The following ZFP90 variants were observed in gnomAD, a reference collection of about 807,000 sequenced individuals.
ZFP90 encodes zinc finger protein 90 homolog.
ZFP90 carries 38 observed loss-of-function variants against 60.8 expected under a neutral mutation model. The ratio of observed to expected loss-of-function variants is 0.62; its 90% confidence interval spans 0.48 to 0.82. The LOEUF is 0.82. ZFP90 is among the 40% of genes least tolerant of loss of function. ZFP90 has a pLI of 0.00. For missense variants in ZFP90, 711 were observed against 759.1 expected, an observed-to-expected ratio of 0.94 and a Z score of 0.74; for synonymous variants, 287 against 264.8, an observed-to-expected ratio of 1.08 and a Z score of -0.82.
chr16:68,564,438 A>G lies in ZFP90; in HGVS notation c.1651A>G (p.Lys551Glu), dbSNP rs1267323424. The change falls in exon 5 of 5, where the codon AAA becomes GAA. Residue 551 changes from lysine (K) to glutamate (E), a missense_variant. This residue lies in a region of ZFP90 where 295 missense variants were observed against 274.0 expected (regional missense o/e 1.08). Coordinates refer to ENST00000563169, the MANE Select transcript of ZFP90 (RefSeq NM_001305203.2). ...TQHERTHTGE[K>E]PYECIDCGKA... ...ACATGAGAGAACCCACACTGGAGAG[A>G]AACCCTATGAATGTATTGACTGTGG... The G allele has an allele frequency of 6.2e-7, 1 of 1,614,088 alleles. No homozygotes were observed. The highest frequency in any genetic ancestry group is 1.1e-5 in the South Asian group (1 of 91,076).
chr16:68,563,716 A>G lies in ZFP90; in HGVS notation c.929A>G (p.Tyr310Cys). 11 of 1,614,046 alleles carry G rather than the reference A, an allele frequency of 6.8e-6. No homozygotes were observed. Among genetic ancestry groups the G allele is most frequent in the Non-Finnish European group, 9.3e-6 (11 of 1,179,962 alleles). The change falls in exon 5 of 5, where the codon TAT becomes TGT. Residue 310 changes from tyrosine to cysteine, a missense_variant. Coordinates refer to ENST00000563169, the MANE Select transcript of ZFP90 (RefSeq NM_001305203.2). The stretch of plus-strand genomic sequence containing the variant: ...AATGCTCATACCGGAGAGAAACCCT[A>G]TCAGTGTAGTCTCTGTGGGAAAGCC... ...HENAHTGEKP[Y>C]QCSLCGKAFQ...
In ZFP90 at chr16:68,563,260, A is replaced by G. The variant is rs957870653; in HGVS notation, c.473A>G (p.Asn158Ser). 1 of 1,613,850 alleles carries G rather than the reference A, an allele frequency of 6.2e-7. No homozygotes were observed. The highest frequency in any genetic ancestry group is 1.3e-5 in the African/African-American group (1 of 74,996). ...IITPQENFEQNKFGENSRLNT... is the reference protein window; with the variant it reads ...IITPQENFEQSKFGENSRLNT... ...ACACCACAAGAAAATTTTGAGCAAA[A>G]TAAATTTGGTGAAAATTCTAGATTG... Residue 158 changes from asparagine (N) to serine (S), a missense_variant, in exon 5 of 5, where the codon AAT becomes AGT. Physicochemically the swap from Asn to Ser is conservative, Grantham distance 46 (BLOSUM62 1). Transcript: ENST00000563169.
chr16:68,564,012 C>G lies in ZFP90; in HGVS notation c.1225C>G (p.Leu409Val). The change falls in exon 5 of 5, where the codon CTT becomes GTT. Residue 409 changes from leucine (L) to valine (V), a missense_variant. Physicochemically the swap from Leu to Val is conservative, Grantham distance 32. Coordinates refer to ENST00000563169, the MANE Select transcript of ZFP90 (RefSeq NM_001305203.2). ...CGRAFGQSPS[L>V]YKHMRIHKRG... ...GAGGGCTTTTGGTCAGAGCCCATCC[C>G]TTTATAAACATATGAGGATTCATAA... The G allele has an allele frequency of 1.2e-6, 2 of 1,613,972 alleles. No individual in the cohort carries two copies. Among genetic ancestry groups the G allele is most frequent in the Non-Finnish European group, 1.7e-6 (2 of 1,179,974 alleles).
At chr16:68,553,320 G>A (rs2091290456) in intron 2 of ZFP90, among the ~76,000 whole-genome samples, 1 of 152,220 alleles carries the variant, frequency 6.6e-6, no homozygotes, top group Non-Finnish European at 1.5e-5. Context: ...GCTGAAGCCA[G>A]TGAGTGGGGA....
At chr16:68,567,172 A>G, downstream of ZFP90, 1 of 985,520 alleles carries the variant, frequency 1.0e-6, no homozygotes, top group Non-Finnish European at 1.2e-6. Flanking sequence ...GAACTTGGCT[A>G]AGATTAAAGA....
intron 2 of ZFP90, among the ~76,000 whole-genome samples, chr16:68,543,297 C>T (rs918725553): frequency 6.6e-6 from 1 of 152,032 alleles, no homozygotes; most frequent in Admixed American, 6.6e-5. Flanking sequence ...TAAAAGATTG[C>T]CATGAATGAT....
Position 68,563,749 on chromosome 16 carries a change from G to T in ZFP90, c.962G>T (p.Arg321Leu). 6.2e-7 allele frequency: 1 copy of T among 1,609,868 alleles called. No individual in the cohort carries two copies. The highest frequency in any genetic ancestry group is 1.1e-5 in the South Asian group (1 of 90,816). ...AGTCTCTGTGGGAAAGCCTTCCAGC[G>T]CAGCTCCTCCCTTGTTCAACACCAG... The part of the protein sequence containing the change: ...QCSLCGKAFQ[R>L]SSSLVQHQRI... Residue 321 changes from arginine (R) to leucine (L), a missense_variant, in exon 5 of 5, where the codon CGC (arginine) becomes CTC (leucine). Arg to Leu is a moderately radical substitution (Grantham distance 102). Transcript: ENST00000563169.
intron 2 of ZFP90, among the ~76,000 whole-genome samples, chr16:68,554,505 G>A (rs1354664661): frequency 6.6e-6 from 1 of 152,098 alleles, no homozygotes; most frequent in Non-Finnish European, 1.5e-5. Flanking sequence ...AGTGCCCAGG[G>A]GAGAAAAAGG....
intron 2 of ZFP90, among the ~76,000 whole-genome samples, chr16:68,550,282 CAG>C (rs1474685334): frequency 1.3e-5 from 2 of 151,990 alleles, no homozygotes; most frequent in Non-Finnish European, 2.9e-5. Context: ...TTATTTGAAA[CAG>C]AGTCTCACTC....
chr16:68,563,911 T>G lies in ZFP90; in HGVS notation c.1124T>G (p.Phe375Cys). Reference protein sequence around the residue: ...PFQCKECGKAFSRCSSLVQHE... With the variant: ...PFQCKECGKACSRCSSLVQHE... ...CAGTGTAAGGAATGTGGGAAAGCCTTTAGTCGATGTTCTTCCCTTGTCCAA... is the reference window on the plus strand; with the variant it reads ...CAGTGTAAGGAATGTGGGAAAGCCTGTAGTCGATGTTCTTCCCTTGTCCAA... Residue 375 changes from phenylalanine to cysteine, a missense_variant, in exon 5 of 5, where the codon TTT becomes TGT. Transcript: ENST00000563169. 1 of 1,614,112 alleles carries G rather than the reference T, an allele frequency of 6.2e-7. No homozygotes were observed. The highest frequency in any genetic ancestry group is 1.3e-5 in the African/African-American group (1 of 75,024).
chr16:68,543,847 C>G (rs566662451), intron 2 of ZFP90, among the ~76,000 whole-genome samples: 5 of 146,158 alleles, frequency 3.4e-5, no homozygotes, highest in Admixed American at 2.1e-4. Context: ...GCGTGAGCCA[C>G]TGTGTCTGGC....
intron 4 of ZFP90, 33 bp from the exon 5 acceptor site, chr16:68,563,011 A>G: frequency 6.2e-7 from 1 of 1,612,676 alleles, no homozygotes; most frequent in Non-Finnish European, 8.5e-7. Context: ...ACAGGAAGGA[A>G]TAGGGGACTT....
downstream of ZFP90, among the ~76,000 whole-genome samples, chr16:68,569,613 CAGA>C (rs2091556628): frequency 6.6e-6 from 1 of 152,062 alleles, no homozygotes; most frequent in South Asian, 2.1e-4. Flanking sequence ...GAAAAGGAAT[CAGA>C]AGAGGCCAGG....
At chr16:68,554,798 TAAAAC>T (rs1005723468) in intron 2 of ZFP90, among the ~76,000 whole-genome samples, 1 of 151,834 alleles carries the variant, frequency 6.6e-6, no homozygotes, top group Non-Finnish European at 1.5e-5. Context: ...TTAAACAAAA[TAAAAC>T]AAAATAAACC....
At chr16:68,570,502 C>G (rs1403519241), downstream of ZFP90, among the ~76,000 whole-genome samples, 1 of 152,206 alleles carries the variant, frequency 6.6e-6, no homozygotes, top group African/African-American at 2.4e-5. Flanking sequence ...GCAGAAATCT[C>G]TGGAAAAGGG....
Position 68,566,117 on chromosome 16 carries a change from A to AGC in ZFP90, c.*1420_*1421dup. 1.1e-6 allele frequency: 1 copy of AGC among 907,136 alleles called. No homozygotes were observed. Among genetic ancestry groups the AGC allele is most frequent in the Non-Finnish European group, 1.3e-6 (1 of 795,636 alleles). The allele number at this position is 907,136 out of a possible 1,614,324, so 56.2% of individuals were successfully genotyped here. A position where few individuals can be genotyped will look rare whatever the true frequency, so the allele number is the denominator to read the frequency against. ...TACTGCATTCCAGCCTGAGCAACAG[A>AGC]GCAAGACACACACACATCAATTTAT... On this transcript the variant is annotated 3_prime_UTR_variant, in exon 5 of 5. Coordinates refer to ENST00000563169, the MANE Select transcript of ZFP90 (RefSeq NM_001305203.2).
chr16:68,576,072 A>C (rs2091593063), exon 3 of ZFP90: 2 of 333,324 alleles, frequency 6.0e-6, no homozygotes, highest in African/African-American at 2.1e-5. Flanking sequence ...TTCATTAACA[A>C]GAGTGATCTT....
chr16:68,539,848 C>T (rs1185962211), intron 2 of ZFP90, 23 bp downstream of exon 2: 4 of 1,604,394 alleles, frequency 2.5e-6, no homozygotes, highest in Non-Finnish European at 3.4e-6. Flanking sequence ...TTCCTAACCT[C>T]CTGGGCATCC....
chr16:68,552,294 G>A (rs942126596), intron 2 of ZFP90, among the ~76,000 whole-genome samples: 6 of 152,258 alleles, frequency 3.9e-5, no homozygotes, highest in Admixed American at 3.9e-4. Context: ...ACTGGTTCTC[G>A]CCTCTGGAAA....
Sources: allele counts gnomAD v4.1 joint callset (sites outside exome capture counted in the v4.1 genomes callset), GRCh38; gene constraint gnomAD v4.1.1; regional missense constraint gnomAD v4.1.1; transcripts MANE v1.5; gene names NCBI Gene and HGNC (gene_info 2026-07-23, HGNC 2026-07-21).